ROBO2: variants seen among roughly 807,000 people sequenced by gnomAD.
The protein encoded by ROBO2 is roundabout homolog 2.
ROBO2 carries 53 observed loss-of-function variants against 160.8 expected under a neutral mutation model. The observed-to-expected ratio is 0.33, with a 90% CI of 0.26 to 0.41. The LOEUF is 0.41. ROBO2 is among the 10% of genes least tolerant of loss of function. The probability of loss-of-function intolerance (pLI) is 1.00; values close to 1 mark genes in which losing one functional copy is unlikely to be tolerated. For missense variants in ROBO2, 1,577 were observed against 1,722.4 expected (o/e 0.92, Z 1.49); for synonymous variants, 664 against 611.7 (o/e 1.09, Z -1.26).
At chr3:76,678,090 C>T (rs929742445) in intron 2 of ROBO2, among the ~76,000 whole-genome samples, 3 of 149,536 alleles carry the variant, frequency 2.0e-5, no homozygotes, top group Admixed American at 6.8e-5. Flanking sequence ...CCTGCCTCAG[C>T]CTCCTGAATA....
intron 2 of ROBO2, among the ~76,000 whole-genome samples, chr3:75,990,981 C>G (rs976444876): frequency 2.6e-5 from 4 of 152,132 alleles, no homozygotes; most frequent in South Asian, 2.1e-4. Flanking sequence ...TGAATTTGCT[C>G]TAACTGGGAC....
At chr3:76,346,332 C>T (rs888774763) in intron 2 of ROBO2, among the ~76,000 whole-genome samples, 2 of 151,706 alleles carry the variant, frequency 1.3e-5, no homozygotes, top group African/African-American at 4.8e-5. Context: ...ACTGCAAGCT[C>T]CGCCTGGCAA....
At chr3:76,231,860 T>C (rs992406835) in intron 2 of ROBO2, among the ~76,000 whole-genome samples, 3 of 152,240 alleles carry the variant, frequency 2.0e-5, no homozygotes, top group African/African-American at 7.2e-5. Context: ...AGATTAATTC[T>C]GAATAAAACC....
At chr3:76,835,331 G>A (rs2067585110) in intron 2 of ROBO2, among the ~76,000 whole-genome samples, 1 of 148,850 alleles carries the variant, frequency 6.7e-6, no homozygotes, top group Non-Finnish European at 1.5e-5. Context: ...TAAAATAAAG[G>A]GAAACCTCTG....
In ROBO2 at chr3:76,346,249, AT is replaced by A. The variant is rs74266989; in HGVS notation, c.109+408663del. The stretch of plus-strand genomic sequence containing the variant: ...CAGTTTTTTATAGTCCATTAAGAGA[AT>A]TTTTTTTTTTTTTTTGAGACAGAGT... On this transcript the variant is annotated intron_variant, in intron 2 of 26. Transcript: ENST00000487694. Among the ~76,000 whole-genome samples the A allele has an allele frequency of 4.1e-3, 590 of 143,204 alleles. 1 individual carries two copies. The highest frequency in any genetic ancestry group is 7.3e-3 in the Middle Eastern group (2 of 274). The allele number at this position is 143,204 out of a possible 152,430, so 93.9% of individuals were successfully genotyped here. A position where few individuals can be genotyped will look rare whatever the true frequency, so the allele number is the denominator to read the frequency against.
chr3:76,770,027 A>G (rs1043331812), intron 2 of ROBO2, among the ~76,000 whole-genome samples: 4 of 151,508 alleles, frequency 2.6e-5, no homozygotes, highest in Non-Finnish European at 5.9e-5. Flanking sequence ...TGTGTCAACT[A>G]TGTTTATCTC....
At chr3:76,808,648 T>A (rs1576757175) in intron 2 of ROBO2, among the ~76,000 whole-genome samples, 1 of 152,110 alleles carries the variant, frequency 6.6e-6, no homozygotes, top group African/African-American at 2.4e-5. Context: ...CTAAGAAGAA[T>A]GATTAAGAAT....
chr3:76,217,900 G>A (rs1703671953), intron 2 of ROBO2, among the ~76,000 whole-genome samples: 1 of 152,256 alleles, frequency 6.6e-6, no homozygotes, highest in Non-Finnish European at 1.5e-5. Context: ...GAACATTGAT[G>A]CAAAAATCCT....
At chr3:76,885,580 C>T (rs1166984) in intron 2 of ROBO2, among the ~76,000 whole-genome samples, 13 of 152,086 alleles carry the variant, frequency 8.5e-5, no homozygotes, top group Non-Finnish European at 1.5e-4. Flanking sequence ...TGTTCACACA[C>T]GTGTACATGC....
intron 2 of ROBO2, among the ~76,000 whole-genome samples, chr3:76,854,420 G>T (rs1195642198): frequency 1.3e-5 from 2 of 152,112 alleles, no homozygotes; most frequent in East Asian, 3.9e-4. Context: ...ATCCATAGAT[G>T]TTAGCAAATT....
rs576773182 is a variant in ROBO2 at position 76,559,224 on chromosome 3, G to A, written c.110-538790G>A. On this transcript the variant is annotated intron_variant, in intron 2 of 26. Coordinates refer to the ROBO2 transcript ENST00000487694. ...TTGTATGTCAATAAACAATGGTCAC[G>A]TTGTGATAGGGATAACAATAAATCT... Among the ~76,000 whole-genome samples, 6 of 152,226 alleles carry A rather than the reference G, an allele frequency of 3.9e-5. No homozygotes were observed. In the East Asian group the frequency reaches 7.7e-4, roughly 20 times the overall value.
chr3:76,232,949 A>G (rs1347055198), intron 2 of ROBO2, among the ~76,000 whole-genome samples: 1 of 152,122 alleles, frequency 6.6e-6, no homozygotes, highest in Non-Finnish European at 1.5e-5. Flanking sequence ...TATATGTGTT[A>G]ATCTCGCACC....
intron 2 of ROBO2, among the ~76,000 whole-genome samples, chr3:77,380,979 A>C (rs1197838240): frequency 6.6e-6 from 1 of 151,522 alleles, no homozygotes; most frequent in Admixed American, 6.6e-5. Flanking sequence ...TTGCTACCCC[A>C]CCCATCACCA....
At chr3:75,987,458 C>T (rs2065444453) in intron 2 of ROBO2, among the ~76,000 whole-genome samples, 2 of 151,558 alleles carry the variant, frequency 1.3e-5, no homozygotes, top group South Asian at 4.1e-4. Context: ...TGTGTGTGAT[C>T]TTTAGAGTTT....
intron 2 of ROBO2, among the ~76,000 whole-genome samples, chr3:77,474,767 G>A (rs1330071032): frequency 1.3e-5 from 2 of 151,900 alleles, no homozygotes; most frequent in Non-Finnish European, 2.9e-5. Context: ...TCCGACACAT[G>A]GGAATACTTC....
chr3:77,156,543 A>G (rs955864108), intron 2 of ROBO2, among the ~76,000 whole-genome samples: 14 of 151,944 alleles, frequency 9.2e-5, no homozygotes, highest in Admixed American at 9.2e-4. Flanking sequence ...TTTCCTGTGT[A>G]TTGCAAGTTG....
At chr3:77,234,855 G>C (rs1233287441) in intron 2 of ROBO2, among the ~76,000 whole-genome samples, 1 of 152,118 alleles carries the variant, frequency 6.6e-6, no homozygotes, top group East Asian at 1.9e-4. Flanking sequence ...TTATTGGTTG[G>C]GGACTTTTGG....
At chr3:77,602,129 C>A in intron 19 of ROBO2, 81 bp from the exon 21 acceptor site, 2 of 1,411,214 alleles carry the variant, frequency 1.4e-6, no homozygotes, top group Non-Finnish European at 2.0e-6. Flanking sequence ...GTGTGACACA[C>A]TTATTTTTCA....
intron 2 of ROBO2, among the ~76,000 whole-genome samples, chr3:77,161,693 T>C (rs2078501473): frequency 1.3e-5 from 2 of 152,146 alleles, no homozygotes; most frequent in Admixed American, 6.5e-5. Flanking sequence ...AATCAGTAAG[T>C]TAGCTTTATT....
Sources: gnomAD v4.1 joint callset for allele counts (sites outside exome capture counted in the v4.1 genomes callset) on GRCh38, gnomAD v4.1.1 for gene constraint, MANE v1.5 for transcripts, NCBI Gene and HGNC (gene_info 2026-07-23, HGNC 2026-07-21) for gene names.